The following ZNF534 variants were observed in gnomAD, a reference collection of about 807,000 sequenced individuals.
ZNF534 encodes the protein KRAB domain only 3.
In ZNF534, 19 loss-of-function variants were observed where a neutral mutation model predicts 13.6. That is an observed-to-expected ratio of 1.40 (90% CI 0.97 to 2.05). ZNF534 has a LOEUF of 2.05. Among genes scored for constraint, ZNF534 ranks in the 30% most tolerant of loss-of-function variants. The probability of loss-of-function intolerance (pLI) is 0.00; values close to 1 mark genes in which losing one functional copy is unlikely to be tolerated. For missense variants in ZNF534, 782 were observed against 796.3 expected, an observed-to-expected ratio of 0.98 and a Z score of 0.22; for synonymous variants, 244 against 273.8, an observed-to-expected ratio of 0.89 and a Z score of 1.07.
intron 1 of ZNF534, among the ~76,000 whole-genome samples, chr19:52,430,798 G>T (rs576813034): frequency 1.3e-4 from 19 of 151,584 alleles, no homozygotes; most frequent in Non-Finnish European, 2.2e-4. Flanking sequence ...GACCTGCCTT[G>T]GCCTCTCAAA....
chr19:52,438,136 A>G lies in ZNF534; in HGVS notation c.676A>G (p.Asn226Asp), dbSNP rs2059141215. The G allele has an allele frequency of 1.2e-6, 2 of 1,614,072 alleles. No homozygotes were observed. Among genetic ancestry groups the G allele is most frequent in the African/African-American group, 2.7e-5 (2 of 75,054 alleles). ...CSDCGEIFSS[N>D]SNFAQHQRIH... ...TGACTGTGGCGAGATCTTTAGTAGC[A>G]ATTCAAACTTTGCACAACATCAACG... is the stretch of plus-strand genomic sequence containing the variant. The change falls in exon 5 of 5, where the codon AAT (asparagine) becomes GAT (aspartate). Residue 226 changes from asparagine to aspartate, a missense_variant. Coordinates refer to ENST00000433050, the MANE Select transcript of ZNF534 (RefSeq NM_001143938.3).
chr19:52,437,920 A>G lies in ZNF534; in HGVS notation c.460A>G (p.Ser154Gly). The G allele has an allele frequency of 1.2e-6, 2 of 1,612,606 alleles. No homozygotes were observed. The highest frequency in any genetic ancestry group is 1.7e-6 in the Non-Finnish European group (2 of 1,179,330). ...TTCACCAGTTCAAATAAGTTTTTTC[A>G]GTGTCAAAACCCATATTTTTAATAA... ...SVSPVQISFFSVKTHIFNNYR... is the reference protein window; with the variant it reads ...SVSPVQISFFGVKTHIFNNYR... The change falls in exon 5 of 5, where the codon AGT becomes GGT. Residue 154 changes from serine (S) to glycine (G), a missense_variant. Coordinates refer to ENST00000433050, the MANE Select transcript of ZNF534 (RefSeq NM_001143938.3).
chr19:52,445,882 A>G (rs2059192809), downstream of ZNF534, among the ~76,000 whole-genome samples: 2 of 152,152 alleles, frequency 1.3e-5, no homozygotes, highest in Admixed American at 6.5e-5. Context: ...TGTAATCCTT[A>G]TTATATGTAT....
rs552577438 is a variant in ZNF534, at chr19:52,442,451, C to G, written c.*3005C>G. Among the ~76,000 whole-genome samples, 7 of 152,332 alleles carry G rather than the reference C, an allele frequency of 4.6e-5. No individual in the cohort carries two copies. Among genetic ancestry groups the G allele is most frequent in the African/African-American group, 1.4e-4 (6 of 41,572 alleles). ...TTATGTAATCTATAATCAATAGAAA[C>G]AATGCTTATCACTGGCTTGCTCTCA... On this transcript the variant is annotated 3_prime_UTR_variant, in exon 5 of 5. Coordinates refer to ENST00000433050, the MANE Select transcript of ZNF534 (RefSeq NM_001143938.3).
At chr19:52,433,088 C>T (rs67163329) in intron 2 of ZNF534, among the ~76,000 whole-genome samples, 12 of 151,374 alleles carry the variant, frequency 7.9e-5, no homozygotes, top group Non-Finnish European at 1.5e-4. Context: ...ACAAAACATA[C>T]AAAAATTAGC....
downstream of ZNF534, among the ~76,000 whole-genome samples, chr19:52,446,396 C>A (rs2059194567): frequency 6.6e-6 from 1 of 152,086 alleles, no homozygotes; most frequent in African/African-American, 2.4e-5. Context: ...CAGATTTGTC[C>A]CCACCTAAAA....
Position 52,438,229 on chromosome 19 carries a change from CT to C in ZNF534, c.771del (p.Ala258HisfsTer61). 1 of 1,614,038 alleles carries C rather than the reference CT, an allele frequency of 6.2e-7. No homozygotes were observed. The highest frequency in any genetic ancestry group is 8.5e-7 in the Non-Finnish European group (1 of 1,179,978). ...CGKVFNQNSH[L>X]AQHQKIHTGQ... Reference sequence around the variant, plus strand: ...CAAAGTCTTCAATCAGAATTCACACCTTGCACAACATCAGAAAATTCATACT... The same window carrying C: ...CAAAGTCTTCAATCAGAATTCACACCTGCACAACATCAGAAAATTCATACT... On this transcript the variant is annotated frameshift_variant, in exon 5 of 5. Coordinates refer to ENST00000433050, the MANE Select transcript of ZNF534 (RefSeq NM_001143938.3). LOFTEE classifies it low-confidence loss of function (END_TRUNC).
At chr19:52,436,958 TGTATG>T (rs1393730838) in intron 4 of ZNF534, among the ~76,000 whole-genome samples, 1 of 152,124 alleles carries the variant, frequency 6.6e-6, no homozygotes, top group African/African-American at 2.4e-5. Flanking sequence ...TCATAGGCCT[TGTATG>T]GTAGTTTTTG....
chr19:52,435,095 G>T lies in ZNF534; in HGVS notation c.157G>T (p.Asp53Tyr), dbSNP rs977569442. The T allele has an allele frequency of 6.2e-7, 1 of 1,612,672 alleles. No individual in the cohort carries two copies. The highest frequency in any genetic ancestry group is 8.5e-7 in the Non-Finnish European group (1 of 1,179,186). Residue 53 changes from aspartate (D) to tyrosine (Y), a missense_variant, in exon 4 of 5, where the codon GAC becomes TAC. Asp to Tyr is a radical substitution (Grantham distance 160). This residue lies in a region of ZNF534 where 81 missense variants were observed against 63.5 expected (regional missense o/e 1.28). Coordinates refer to ENST00000433050, the MANE Select transcript of ZNF534 (RefSeq NM_001143938.3). ...NLVSLGICLP[D>Y]LSVTSMLEQK... is the part of the protein sequence containing the mutation. ...TTTGTAAGTAGGAATCTGTCTTCCT[G>T]ACCTGAGTGTTACCTCCATGTTGGA...
At chr19:52,445,752 T>A (rs1195582273), downstream of ZNF534, among the ~76,000 whole-genome samples, 3 of 15,666 alleles carry the variant, frequency 1.9e-4, 1 homozygote, top group Non-Finnish European at 4.5e-4. Flanking sequence ...CAAAAATTCA[T>A]GATGCAGGAC....
chr19:52,446,462 T>C (rs1237496123), downstream of ZNF534, among the ~76,000 whole-genome samples: 1 of 152,192 alleles, frequency 6.6e-6, no homozygotes, highest in Non-Finnish European at 1.5e-5. Context: ...TCACTCACTC[T>C]AGAGATTTTT....
At chr19:52,449,635 T>C (rs2059206095) in intron 4 of ZNF534, among the ~76,000 whole-genome samples, 1 of 152,230 alleles carries the variant, frequency 6.6e-6, no homozygotes, top group Non-Finnish European at 1.5e-5. Flanking sequence ...TTAGTGATGT[T>C]GAGCATTTTT....
At chr19:52,443,077 ACCT>A (rs1359619518), downstream of ZNF534, among the ~76,000 whole-genome samples, 15 of 152,300 alleles carry the variant, frequency 9.8e-5, no homozygotes, top group South Asian at 8.3e-4. Flanking sequence ...AGGGGTGGTC[ACCT>A]CCTCAATTGA....
rs1221433494 is a variant in ZNF534 at position 52,439,362 on chromosome 19, C to T, written c.1902C>T (p.Tyr634=). The T allele has an allele frequency of 4.5e-6, 7 of 1,552,370 alleles. No individual in the cohort carries two copies. Among genetic ancestry groups the T allele is most frequent in the Admixed American group, 3.9e-5 (2 of 50,992 alleles). ...HRNIHTGVKP[Y]SCNECGKVFS... ...ATATTCATACTGGAGTGAAGCCTTACAGTTGTAATGAATGTGGCAAGGTCT... is the reference window on the plus strand; with the variant it reads ...ATATTCATACTGGAGTGAAGCCTTATAGTTGTAATGAATGTGGCAAGGTCT... The change falls in exon 5 of 5, where the codon TAC becomes TAT. Residue 634 remains tyrosine (Y), a synonymous_variant. Transcript: ENST00000433050.
At position 52,439,023 on chromosome 19, in the gene ZNF534, T is replaced by C. The variant is rs780403246; in HGVS notation, c.1563T>C (p.Pro521=). ...GGGATATTCATACTGGAGAGAAGCC[T>C]TACAGTTGTAATGAATGTGGCAAGG... ...QHRDIHTGEK[P]YSCNECGKVF... is the part of the protein sequence containing the mutation. The change falls in exon 5 of 5, where the codon CCT becomes CCC. Residue 521 remains proline (P), a synonymous_variant. Coordinates refer to ENST00000433050, the MANE Select transcript of ZNF534 (RefSeq NM_001143938.3). 3.7e-6 allele frequency: 6 copies of C among 1,600,230 alleles called. No individual in the cohort carries two copies. The highest frequency in any genetic ancestry group is 5.1e-6 in the Non-Finnish European group (6 of 1,173,046).
Position 52,441,088 on chromosome 19 carries a change from T to C in ZNF534, c.*1642T>C, listed in dbSNP as rs2059169929. 6.6e-6 allele frequency among the ~76,000 whole-genome samples: 1 copy of C among 152,090 alleles called. No individual in the cohort carries two copies. Among genetic ancestry groups the C allele is most frequent in the Non-Finnish European group, 1.5e-5 (1 of 68,026 alleles). ...CCTGGCTAATTTTTTGTATTTTTAG[T>C]AGAGACGGGGTTTCACCATGTTAGC... On this transcript the variant is annotated 3_prime_UTR_variant, in exon 5 of 5. Coordinates refer to ENST00000433050, the MANE Select transcript of ZNF534 (RefSeq NM_001143938.3).
At position 52,440,631 on chromosome 19, in the gene ZNF534, A is replaced by T. The variant is rs976128482; in HGVS notation, c.*1185A>T. ...CCCCATCACTACTAAAAATAAAAAA[A>T]ATAGCTGGGTGTGGTGGTGGGTGTC... On this transcript the variant is annotated 3_prime_UTR_variant, in exon 5 of 5. Transcript: ENST00000433050. Among the ~76,000 whole-genome samples, 27 of 152,000 alleles carry T rather than the reference A, an allele frequency of 1.8e-4. No homozygotes were observed. Among genetic ancestry groups the T allele is most frequent in the Non-Finnish European group, 1.8e-4 (12 of 68,012 alleles).
In ZNF534 at chr19:52,435,113, A is replaced by G. The variant is rs776264875; in HGVS notation, c.175A>G (p.Met59Val). 38 of 1,612,996 alleles carry G rather than the reference A, an allele frequency of 2.4e-5. No homozygotes were observed. Among genetic ancestry groups the G allele is most frequent in the Non-Finnish European group, 3.1e-5 (37 of 1,179,302 alleles). ...TCTTCCTGACCTGAGTGTTACCTCC[A>G]TGTTGGAGCAAAAGAGAGATCCCTG... ...ICLPDLSVTS[M>V]LEQKRDPWTL... Residue 59 changes from methionine to valine, a missense_variant, in exon 4 of 5, where the codon ATG becomes GTG. Physicochemically the swap from Met to Val is conservative, Grantham distance 21. Transcript: ENST00000433050.
At position 52,429,163 on chromosome 19, in the gene ZNF534, G is replaced by C. The variant is rs2059069318; in HGVS notation, c.-149G>C. ...AATTTCCTGCAGACCCGGAAGTCGA[G>C]ATCATGGAGTGAACGTTTCGCGCGC... On this transcript the variant is annotated 5_prime_UTR_variant, in exon 1 of 5. Coordinates refer to ENST00000433050, the MANE Select transcript of ZNF534 (RefSeq NM_001143938.3). The C allele has an allele frequency of 6.6e-6, 1 of 152,258 alleles. No homozygotes were observed. The highest frequency in any genetic ancestry group is 6.5e-5 in the Admixed American group (1 of 15,278). The allele number at this position is 152,258 out of a possible 1,614,324, so 9.4% of individuals were successfully genotyped here.
Sources: allele counts gnomAD v4.1 joint callset (sites outside exome capture counted in the v4.1 genomes callset), GRCh38; gene constraint gnomAD v4.1.1; regional missense constraint gnomAD v4.1.1; transcripts MANE v1.5; gene names NCBI Gene and HGNC (gene_info 2026-07-23, HGNC 2026-07-21).